The following NRXN3 variants were observed in gnomAD, a reference collection of about 807,000 sequenced individuals.
NRXN3 encodes neurexin III.
A neutral mutation model predicts 137.6 loss-of-function variants in NRXN3; 32 were observed. That is an observed-to-expected ratio of 0.23 (90% CI 0.18 to 0.31). NRXN3 has a LOEUF of 0.31. Ranked by LOEUF, NRXN3 falls within the 10% of genes least tolerant of loss-of-function variation. The probability of loss-of-function intolerance (pLI) is 1.00; values close to 1 mark genes in which losing one functional copy is unlikely to be tolerated. For missense variants in NRXN3, 1,574 were observed against 2,062.5 expected (o/e 0.76, Z 4.59); for synonymous variants, 798 against 784.5 (o/e 1.02, Z -0.29).
chr14:78,692,169 T>C (rs992780467), intron 6 of NRXN3, among the ~76,000 whole-genome samples: 11 of 152,210 alleles, frequency 7.2e-5, no homozygotes, highest in East Asian at 3.8e-4. Flanking sequence ...CCTGCTTCCA[T>C]GGCAGTCCAA....
chr14:79,435,255 G>C (rs1009723486), intron 15 of NRXN3, among the ~76,000 whole-genome samples: 1 of 151,370 alleles, frequency 6.6e-6, no homozygotes, highest in Non-Finnish European at 1.5e-5. Flanking sequence ...TCAATCGACA[G>C]GTGAATCAAA....
At chr14:78,866,359 A>G (rs2099086721) in intron 10 of NRXN3, among the ~76,000 whole-genome samples, 1 of 152,206 alleles carries the variant, frequency 6.6e-6, no homozygotes, top group African/African-American at 2.4e-5. Context: ...GGCATTAATG[A>G]AAAATCAGCA....
At chr14:79,334,242 T>A (rs999615091) in intron 15 of NRXN3, among the ~76,000 whole-genome samples, 1 of 151,968 alleles carries the variant, frequency 6.6e-6, no homozygotes, top group Non-Finnish European at 1.5e-5. Flanking sequence ...ATGAAAAAAA[T>A]AAAGTAGAAT....
At chr14:78,476,098 A>G (rs2095372739) in intron 4 of NRXN3, among the ~76,000 whole-genome samples, 1 of 152,232 alleles carries the variant, frequency 6.6e-6, no homozygotes, top group Non-Finnish European at 1.5e-5. Flanking sequence ...TAATAATTTG[A>G]CAAATCCATT....
chr14:78,607,625 C>G (rs901454911), intron 4 of NRXN3, among the ~76,000 whole-genome samples: 1 of 151,994 alleles, frequency 6.6e-6, no homozygotes, highest in African/African-American at 2.4e-5. Context: ...ATTCTTGTGA[C>G]CTTATCATGG....
intron 15 of NRXN3, among the ~76,000 whole-genome samples, chr14:79,234,291 T>C (rs1597595120): frequency 2.3e-5 from 1 of 42,774 alleles, no homozygotes; most frequent in Non-Finnish European, 4.2e-5. Flanking sequence ...TATTCAATGG[T>C]AAATATATAT....
At chr14:79,665,335 A>G (rs948998941) in intron 17 of NRXN3, among the ~76,000 whole-genome samples, 2 of 152,108 alleles carry the variant, frequency 1.3e-5, no homozygotes, top group East Asian at 1.9e-4. Context: ...GGGGTCTCAG[A>G]ATTTCTTAGA....
At chr14:78,236,207 C>T (rs759157666) in intron 1 of NRXN3, among the ~76,000 whole-genome samples, 7 of 152,144 alleles carry the variant, frequency 4.6e-5, no homozygotes, top group South Asian at 2.1e-4. Flanking sequence ...GAACACATTA[C>T]GCAGAATCAC....
chr14:79,858,894 T>A (rs2099408379), intron 20 of NRXN3, among the ~76,000 whole-genome samples: 1 of 149,514 alleles, frequency 6.7e-6, no homozygotes, highest in Admixed American at 6.7e-5. Context: ...GCACTCCAAA[T>A]CCCATTTGTA....
intron 10 of NRXN3, among the ~76,000 whole-genome samples, chr14:78,817,372 G>A (rs1158067390): frequency 6.6e-6 from 1 of 152,208 alleles, no homozygotes; most frequent in African/African-American, 2.4e-5. Context: ...GTTTCCAAAA[G>A]AGAGTATGCT....
chr14:79,856,995 G>C (rs2099403966), intron 20 of NRXN3, among the ~76,000 whole-genome samples: 1 of 152,132 alleles, frequency 6.6e-6, no homozygotes, highest in African/African-American at 2.4e-5. Context: ...TTAGGATTTT[G>C]ATGGATTACA....
intron 15 of NRXN3, among the ~76,000 whole-genome samples, chr14:79,059,299 C>A (rs189369838): frequency 5.9e-4 from 77 of 131,180 alleles, no homozygotes; most frequent in African/African-American, 2.2e-3. Flanking sequence ...ACTCTGTCGC[C>A]CAGGCTGGAG....
At chr14:79,848,374 C>T (rs565442507) in intron 20 of NRXN3, among the ~76,000 whole-genome samples, 17 of 152,120 alleles carry the variant, frequency 1.1e-4, no homozygotes, top group Non-Finnish European at 2.2e-4. Flanking sequence ...GCACACAGGG[C>T]GCATGCAGCC....
chr14:78,988,181 T>C, intron 15 of NRXN3, 40 bp downstream of exon 15: 2 of 1,612,018 alleles, frequency 1.2e-6, no homozygotes, highest in South Asian at 1.1e-5. Flanking sequence ...TTTGTGAAGA[T>C]GTTTGGAGAT....
At chr14:79,224,275 C>A (rs1432927482) in intron 15 of NRXN3, among the ~76,000 whole-genome samples, 1 of 152,024 alleles carries the variant, frequency 6.6e-6, no homozygotes, top group Non-Finnish European at 1.5e-5. Flanking sequence ...ACAATGCATT[C>A]TTTTTTGGTA....
chr14:78,296,368 A>G (rs2076337853), intron 3 of NRXN3, among the ~76,000 whole-genome samples: 1 of 152,094 alleles, frequency 6.6e-6, no homozygotes, highest in African/African-American at 2.4e-5. Context: ...TGTGAGCGTC[A>G]CCTACTGAAT....
chr14:78,552,612 C>T (rs1000967892), intron 4 of NRXN3, among the ~76,000 whole-genome samples: 1 of 152,082 alleles, frequency 6.6e-6, no homozygotes, highest in Non-Finnish European at 1.5e-5. Context: ...GCTGCAGTGA[C>T]CTGTGATCAC....
intron 17 of NRXN3, 150 bp downstream of exon 17, chr14:79,664,099 C>T (rs2098546983): frequency 2.5e-6 from 2 of 813,478 alleles, no homozygotes; most frequent in Admixed American, 2.6e-5. Context: ...TAAGTCATCT[C>T]TTTAGGACTT....
chr14:78,544,370 A>G (rs8004481), intron 4 of NRXN3, among the ~76,000 whole-genome samples: 91,304 of 152,092 alleles, frequency 0.6, 28,211 homozygotes, highest in Non-Finnish European at 0.67. Context: ...TTTGATCCCT[A>G]TGTAGGTCAC....
Sources: gnomAD v4.1 joint callset for allele counts (sites outside exome capture counted in the v4.1 genomes callset) on GRCh38, gnomAD v4.1.1 for gene constraint, MANE v1.5 for transcripts, NCBI Gene and HGNC (gene_info 2026-07-23, HGNC 2026-07-21) for gene names.